The following MCOLN3 variants were observed in gnomAD, a reference collection of about 807,000 sequenced individuals.
MCOLN3 encodes the protein mucolipin-3.
MCOLN3 carries 62 observed loss-of-function variants against 69.4 expected under a neutral mutation model. That is an observed-to-expected ratio of 0.89 (90% CI 0.73 to 1.10). The LOEUF (loss-of-function observed/expected upper bound fraction) is 1.10, where lower values mean the gene tolerates loss of function less well. Among genes scored for constraint, MCOLN3 ranks in the 50% least tolerant of loss-of-function variants. The pLI, the probability that MCOLN3 is intolerant of heterozygous loss-of-function variation, is 0.00. For synonymous variants in MCOLN3, 183 were observed against 217.0 expected (o/e 0.84, Z 1.38); for missense variants, 564 against 656.4 (o/e 0.86, Z 1.54).
intron 6 of MCOLN3, 44 bp downstream of exon 6, chr1:85,032,652 T>C: frequency 7.0e-7 from 1 of 1,431,692 alleles, no homozygotes; most frequent in East Asian, 2.3e-5. Context: ...GATAAAACAA[T>C]TTTTCTCCAG....
At chr1:85,039,015 A>G (rs1652935970) in intron 3 of MCOLN3, among the ~76,000 whole-genome samples, 1 of 152,108 alleles carries the variant, frequency 6.6e-6, no homozygotes, top group African/African-American at 2.4e-5. Context: ...AATAAAATAA[A>G]AAATAAAAAA....
At position 85,022,073 on chromosome 1, in the gene MCOLN3, G is replaced by C. The variant is rs1222669645; in HGVS notation, c.1317C>G (p.Asp439Glu). The C allele has an allele frequency of 2.5e-6, 4 of 1,613,520 alleles. No homozygotes were observed. Among genetic ancestry groups the C allele is most frequent in the African/African-American group, 2.7e-5 (2 of 74,896 alleles). Residue 439 changes from aspartate (D) to glutamate (E), a missense_variant, in exon 11 of 13, where the codon GAC (aspartate) becomes GAG (glutamate). Transcript: ENST00000370589. ...CGWIVLGPYH[D>E]KFRSLNMVSE... ...GAAAAAAGTTGTTTATCAGTACCTT[G>C]TCATGGTAAGGCCCCAGCACGATCC...
At chr1:85,028,434 G>A (rs1380102429) in intron 7 of MCOLN3, among the ~76,000 whole-genome samples, 1 of 152,152 alleles carries the variant, frequency 6.6e-6, no homozygotes, top group Non-Finnish European at 1.5e-5. Context: ...ATTAGAATCT[G>A]AGAACTCCTC....
chr1:85,040,085 C>T (rs1370368767), intron 3 of MCOLN3, among the ~76,000 whole-genome samples: 5 of 152,176 alleles, frequency 3.3e-5, no homozygotes, highest in Admixed American at 6.6e-5. Context: ...ATTCTAAAAA[C>T]GGAGTATCTC....
chr1:85,020,881 G>A (rs1651893479), intron 12 of MCOLN3, among the ~76,000 whole-genome samples, 189 bp downstream of exon 12: 1 of 152,170 alleles, frequency 6.6e-6, no homozygotes, highest in Non-Finnish European at 1.5e-5. Flanking sequence ...ACTACTTAGA[G>A]ACTAAGACTT....
At chr1:85,034,476 CCTT>C (rs550282707) in intron 3 of MCOLN3, among the ~76,000 whole-genome samples, 40 of 152,300 alleles carry the variant, frequency 2.6e-4, no homozygotes, top group African/African-American at 9.1e-4. Context: ...AACTTTCTGA[CCTT>C]CTAGTTCCTG....
At chr1:85,047,545 AG>A (rs1479687731) in intron 1 of MCOLN3, 1 of 152,314 alleles carries the variant, frequency 6.6e-6, no homozygotes, top group East Asian at 1.9e-4. Context: ...GCATGCTCTT[AG>A]AAGGAGCAAA....
Position 85,045,181 on chromosome 1 carries a change from T to C in MCOLN3, c.180A>G (p.Pro60=). The change falls in exon 2 of 13, where the codon CCA becomes CCG. Residue 60 remains proline (P), a synonymous_variant. Transcript: ENST00000370589. ...TTAGAATTTGTATGGCAAGTTTCCA[T>C]GGTTTTCTACCTCGAGCCCAGAACT... The part of the protein sequence containing the change: ...CEKFWARGRK[P]WKLAIQILKI... 6.2e-7 allele frequency: 1 copy of C among 1,614,058 alleles called. No individual in the cohort carries two copies. The highest frequency in any genetic ancestry group is 8.5e-7 in the Non-Finnish European group (1 of 1,180,012).
chr1:85,035,043 G>C (rs1652738704), intron 3 of MCOLN3, among the ~76,000 whole-genome samples: 1 of 152,216 alleles, frequency 6.6e-6, no homozygotes, highest in Non-Finnish European at 1.5e-5. Flanking sequence ...TGGATTTTGA[G>C]TTGGACCTTG....
intron 6 of MCOLN3, among the ~76,000 whole-genome samples, chr1:85,032,345 T>C (rs965721169): frequency 1.3e-5 from 2 of 152,196 alleles, no homozygotes; most frequent in Admixed American, 1.3e-4. Flanking sequence ...AACCTTTAGC[T>C]GACAGCCAGC....
rs1244431609 is a variant in MCOLN3 at position 85,045,341 on chromosome 1, A to G, written c.20T>C (p.Val7Ala). The G allele has an allele frequency of 1.9e-6, 3 of 1,613,810 alleles. No individual in the cohort carries two copies. Among genetic ancestry groups the G allele is most frequent in the East Asian group, 4.5e-5 (2 of 44,866 alleles). ...TTCATGAGAGCTGCAGCTACTCACA[A>G]CTACCTCAGGATCTGCCATCTCTAG... MADPEV[V>A]VSSCSSHEEE... Residue 7 changes from valine to alanine, a missense_variant, in exon 2 of 13, where the codon GTT becomes GCT. Physicochemically the swap from Val to Ala is moderately conservative, Grantham distance 64 (BLOSUM62 0). Transcript: ENST00000370589.
rs10782536 is a variant in MCOLN3 at position 85,018,593 on chromosome 1, C to T, written c.*530G>A. 75,254 of 152,216 alleles carry T rather than the reference C, an allele frequency of 0.49. 18,929 individuals are homozygous for T. The highest frequency in any genetic ancestry group is 0.54 in the Middle Eastern group (159 of 294). The allele number at this position is 152,216 out of a possible 1,614,324, so 9.4% of individuals were successfully genotyped here. On this transcript the variant is annotated 3_prime_UTR_variant, in exon 13 of 13. Coordinates refer to ENST00000370589, the MANE Select transcript of MCOLN3 (RefSeq NM_018298.11). ...GGCCGTATCACATTGTTAGCTGGTG[C>T]GCTCTTATTCTGGTGCGCTCTTATT...
intron 3 of MCOLN3, among the ~76,000 whole-genome samples, chr1:85,040,600 T>C (rs1474630016): frequency 2.6e-5 from 4 of 152,208 alleles, no homozygotes; most frequent in Non-Finnish European, 5.9e-5. Context: ...AGTGAATTTT[T>C]AGGTCTTGGT....
Position 85,025,826 on chromosome 1 carries a change from GAT to G in MCOLN3, c.1095+111_1095+112del. ...ACCATTACCAATTTCAAGTCTACTT[GAT>G]ATACAGTTTGGAAGAAACAATTCAT... On this transcript the variant is annotated intron_variant, in intron 9 of 12. Coordinates refer to ENST00000370589, the MANE Select transcript of MCOLN3 (RefSeq NM_018298.11). 2.8e-6 allele frequency: 3 copies of G among 1,084,558 alleles called. No individual in the cohort carries two copies. The East Asian group carries it at 7.8e-5, about 28-fold the overall frequency. The allele number at this position is 1,084,558 out of a possible 1,614,324, so 67.2% of individuals were successfully genotyped here.
intron 7 of MCOLN3, among the ~76,000 whole-genome samples, chr1:85,027,517 G>C (rs1460411041): frequency 6.6e-6 from 1 of 152,152 alleles, no homozygotes; most frequent in Non-Finnish European, 1.5e-5. Context: ...CTCTATGTCA[G>C]TGGTTCTTGG....
Position 85,025,966 on chromosome 1 carries a change from T to C in MCOLN3, c.1068A>G (p.Ser356=). The part of the protein sequence containing the change: ...IISDILTIIG[S]ILKMEIQAKS... ...TAGCTTGGATTTCCATTTTTAGAAT[T>C]GATCCAATGATTGTCAATATGTCAC... The change falls in exon 9 of 13, where the codon TCA becomes TCG. Residue 356 remains serine (S), a synonymous_variant. Transcript: ENST00000370589. 6.3e-7 allele frequency: 1 copy of C among 1,598,190 alleles called. No individual in the cohort carries two copies. Among genetic ancestry groups the C allele is most frequent in the Non-Finnish European group, 8.5e-7 (1 of 1,172,162 alleles).
rs1221369507 is a variant in MCOLN3, at chr1:85,018,098, T to C, written c.*1025A>G. ...CATCAAAAATGCATTTGGTATATGC[T>C]TTAATTTCATGCATGTATAAGATAC... is the stretch of plus-strand genomic sequence containing the variant. On this transcript the variant is annotated 3_prime_UTR_variant, in exon 13 of 13. Coordinates refer to ENST00000370589, the MANE Select transcript of MCOLN3 (RefSeq NM_018298.11). The C allele has an allele frequency of 1.3e-5, 2 of 152,248 alleles. No homozygotes were observed. The highest frequency in any genetic ancestry group is 4.8e-5 in the African/African-American group (2 of 41,470). The allele number at this position is 152,248 out of a possible 1,614,324, so 9.4% of individuals were successfully genotyped here.
Position 85,048,494 on chromosome 1 carries a change from C to T in MCOLN3, c.-101G>A, listed in dbSNP as rs1653506288. The T allele has an allele frequency of 6.6e-6, 1 of 152,460 alleles. No individual in the cohort carries two copies. Among genetic ancestry groups the T allele is most frequent in the Non-Finnish European group, 1.5e-5 (1 of 68,120 alleles). 9.4% of individuals were successfully genotyped at this position (152,460 alleles called of 1,614,324 possible). On this transcript the variant is annotated 5_prime_UTR_variant, in exon 1 of 13. Transcript: ENST00000370589. ...CAGCAGCCTCGAGCCCCGCTCCGCCCAGAGTCAGACGGGAGGAGAGCGCCC... is the reference window on the plus strand; with the variant it reads ...CAGCAGCCTCGAGCCCCGCTCCGCCTAGAGTCAGACGGGAGGAGAGCGCCC...
At chr1:85,023,573 G>C (rs1652062638) in intron 9 of MCOLN3, 1 of 152,176 alleles carries the variant, frequency 6.6e-6, no homozygotes, top group Admixed American at 6.5e-5. Flanking sequence ...TTCTGTTTTA[G>C]GTGTGTTAAA....
Sources: gnomAD v4.1 joint callset for allele counts (sites outside exome capture counted in the v4.1 genomes callset) on GRCh38, gnomAD v4.1.1 for gene constraint, MANE v1.5 for transcripts, NCBI Gene and HGNC (gene_info 2026-07-23, HGNC 2026-07-21) for gene names.